The following RALYL variants were observed in gnomAD, a reference collection of about 807,000 sequenced individuals.
RALYL encodes the protein RALY RNA binding protein like.
In RALYL, 29 loss-of-function variants were observed where a neutral mutation model predicts 35.1. That is an observed-to-expected ratio of 0.83 (90% confidence interval 0.61 to 1.13). The LOEUF is 1.13. RALYL is among the 50% of genes most tolerant of loss of function. RALYL has a pLI of 0.00. For synonymous variants in RALYL, 120 were observed against 127.6 expected (o/e 0.94, Z 0.40); for missense variants, 359 against 360.4 (o/e 1.00, Z 0.03).
At chr8:84,526,624 A>G (rs1432087514) in intron 1 of RALYL, among the ~76,000 whole-genome samples, 1 of 152,178 alleles carries the variant, frequency 6.6e-6, no homozygotes, top group Non-Finnish European at 1.5e-5. Context: ...TTTAAAGCAG[A>G]TTTCTAGAGT....
In RALYL at chr8:84,697,384, C is replaced by T. The variant is rs192321273; in HGVS notation, c.257-77195C>T. On this transcript the variant is annotated intron_variant, in intron 2 of 8. Transcript: ENST00000521268. ...GTTTGGTTATGTGTGTGTATGGGCA[C>T]CTAATTTTCTGACATAATGTTATCT... is the stretch of plus-strand genomic sequence containing the variant. Among the ~76,000 whole-genome samples the T allele has an allele frequency of 1.1e-3, 165 of 151,992 alleles. 2 individuals carry two copies. The highest frequency in any genetic ancestry group is 3.8e-4 in the Non-Finnish European group (26 of 67,946).
chr8:84,901,507 C>T (rs1006932768), intron 8 of RALYL, among the ~76,000 whole-genome samples: 3 of 151,976 alleles, frequency 2.0e-5, no homozygotes, highest in East Asian at 1.9e-4. Flanking sequence ...TATTGCAAGG[C>T]GGGAGAGGGA....
intron 2 of RALYL, among the ~76,000 whole-genome samples, chr8:84,572,639 C>A (rs182314236): frequency 6.9e-4 from 105 of 151,840 alleles, no homozygotes; most frequent in African/African-American, 2.5e-3. Flanking sequence ...CAAATAGAAT[C>A]CTCTGTTCTG....
intron 1 of RALYL, among the ~76,000 whole-genome samples, chr8:84,371,637 T>G (rs536013498): frequency 6.6e-6 from 1 of 151,830 alleles, no homozygotes; most frequent in Admixed American, 6.6e-5. Flanking sequence ...GTAGACTGAA[T>G]ACAAAATTCA....
At chr8:84,787,519 T>A (rs896927989) in intron 3 of RALYL, among the ~76,000 whole-genome samples, 3 of 152,216 alleles carry the variant, frequency 2.0e-5, no homozygotes, top group African/African-American at 7.2e-5. Context: ...TGATTTATAA[T>A]CCTTTGGGTA....
chr8:84,778,451 C>A (rs1468046598), intron 3 of RALYL, among the ~76,000 whole-genome samples: 1 of 152,130 alleles, frequency 6.6e-6, no homozygotes, highest in Non-Finnish European at 1.5e-5. Flanking sequence ...CAGTCTTATG[C>A]ATAAGTTAGA....
intron 1 of RALYL, among the ~76,000 whole-genome samples, chr8:84,223,618 T>C (rs1231674884): frequency 6.6e-6 from 1 of 152,186 alleles, no homozygotes; most frequent in Non-Finnish European, 1.5e-5. Context: ...TTTTCTCTAG[T>C]AGCTCTCAGA....
chr8:84,742,835 T>C (rs1209625361), intron 2 of RALYL, among the ~76,000 whole-genome samples: 5 of 152,016 alleles, frequency 3.3e-5, no homozygotes, highest in South Asian at 2.1e-4. Context: ...GGCTGACTTG[T>C]GCACATACGG....
intron 2 of RALYL, among the ~76,000 whole-genome samples, chr8:84,654,574 T>TA (rs2131578117): frequency 6.6e-6 from 1 of 151,934 alleles, no homozygotes; most frequent in East Asian, 1.9e-4. Flanking sequence ...CCCCACTTCC[T>TA]ACCACCACTG....
chr8:84,267,864 T>A (rs1441077830), intron 1 of RALYL, among the ~76,000 whole-genome samples: 1 of 152,188 alleles, frequency 6.6e-6, no homozygotes, highest in East Asian at 1.9e-4. Context: ...ATAAATCCTA[T>A]CACTGCAATT....
chr8:84,644,747 TTTC>T (rs1472422419), intron 2 of RALYL, among the ~76,000 whole-genome samples: 1 of 151,952 alleles, frequency 6.6e-6, no homozygotes, highest in East Asian at 1.9e-4. Context: ...TTTTTCTTTT[TTTC>T]TTCTTCTTAT....
rs143225944 is a variant in RALYL, at chr8:84,850,396, A to T, written c.413+369A>T. On this transcript the variant is annotated intron_variant, in intron 5 of 8. Coordinates refer to ENST00000521268, the MANE Select transcript of RALYL (RefSeq NM_173848.7). ...TAACTCCAACCTTCTGAAGTCCATA[A>T]TAAAACATTGAAAATGCTATATTGG... Among the ~76,000 whole-genome samples, 25 of 152,364 alleles carry T rather than the reference A, an allele frequency of 1.6e-4. No homozygotes were observed. The East Asian group carries it at 4.8e-3, about 29-fold the overall frequency.
At chr8:84,275,775 T>C (rs2132009308) in intron 1 of RALYL, among the ~76,000 whole-genome samples, 1 of 152,256 alleles carries the variant, frequency 6.6e-6, no homozygotes, top group Non-Finnish European at 1.5e-5. Flanking sequence ...TTATTTCTTT[T>C]ACAAGGATAG....
At chr8:84,430,943 A>G (rs2047075156) in intron 1 of RALYL, among the ~76,000 whole-genome samples, 1 of 152,154 alleles carries the variant, frequency 6.6e-6, no homozygotes, top group Non-Finnish European at 1.5e-5. Context: ...GCTGGGCTTC[A>G]TAATGTCCTA....
chr8:84,310,817 G>A (rs529393623), intron 1 of RALYL, among the ~76,000 whole-genome samples: 4 of 138,038 alleles, frequency 2.9e-5, no homozygotes, highest in Admixed American at 2.8e-4. Flanking sequence ...GGAGGCCGAG[G>A]CGGGTGGATC....
At chr8:84,236,333 G>A (rs1418024421) in intron 1 of RALYL, among the ~76,000 whole-genome samples, 1 of 152,074 alleles carries the variant, frequency 6.6e-6, no homozygotes, top group South Asian at 2.1e-4. Context: ...TTAAGCACAG[G>A]CAGTGAATTG....
intron 2 of RALYL, among the ~76,000 whole-genome samples, chr8:84,697,164 A>T: frequency 6.6e-6 from 1 of 152,144 alleles, no homozygotes; most frequent in East Asian, 1.9e-4. Flanking sequence ...AAATAATTAG[A>T]AATTTTGGAG....
intron 1 of RALYL, among the ~76,000 whole-genome samples, chr8:84,526,298 C>A (rs989337037): frequency 6.6e-6 from 1 of 152,094 alleles, no homozygotes; most frequent in Admixed American, 6.6e-5. Context: ...CTTTGACAGA[C>A]ATTTGGGTTG....
intron 1 of RALYL, among the ~76,000 whole-genome samples, chr8:84,388,836 C>G (rs1344207166): frequency 6.6e-6 from 1 of 151,972 alleles, no homozygotes. Context: ...TGCAGAAGCT[C>G]TTTAGTTTAA....
Sources: gnomAD v4.1 joint callset for allele counts (sites outside exome capture counted in the v4.1 genomes callset) on GRCh38, gnomAD v4.1.1 for gene constraint, MANE v1.5 for transcripts, NCBI Gene and HGNC (gene_info 2026-07-23, HGNC 2026-07-21) for gene names.